CCDC57: variants seen among roughly 807,000 people sequenced by gnomAD.
CCDC57 encodes the protein coiled-coil domain-containing protein 57.
Under a neutral mutation model 118.9 loss-of-function variants are expected in CCDC57, and 118 were observed. That is an observed-to-expected ratio of 0.99 (90% CI 0.86 to 1.16). The LOEUF (loss-of-function observed/expected upper bound fraction) is 1.16, where lower values mean the gene tolerates loss of function less well. CCDC57 is among the 50% of genes most tolerant of loss of function. The pLI, the probability that CCDC57 is intolerant of heterozygous loss-of-function variation, is 0.00. For missense variants in CCDC57, 1,300 were observed against 1,320.7 expected (o/e 0.98, Z 0.24); for synonymous variants, 527 against 532.9 (o/e 0.99, Z 0.15).
At chr17:82,151,565 G>T in exon 16 of CCDC57, 1 of 1,550,198 alleles carries the variant, frequency 6.5e-7, no homozygotes. Context: ...CTCACTTTCG[G>T]GTCGGCCCAG....
At chr17:82,107,578 T>C in intron 19 of CCDC57, 1 of 470,876 alleles carries the variant, frequency 2.1e-6, no homozygotes, top group Non-Finnish European at 4.4e-6. Flanking sequence ...ACTGTGAGGA[T>C]GGGCGGATGG....
intron 9 of CCDC57, among the ~76,000 whole-genome samples, chr17:82,183,529 C>A (rs1041212798): frequency 2.0e-5 from 3 of 152,096 alleles, no homozygotes; most frequent in African/African-American, 7.2e-5. Flanking sequence ...ACCTTTATGG[C>A]TCTTATTACA....
chr17:82,132,125 A>C (rs1444287095), intron 17 of CCDC57, among the ~76,000 whole-genome samples: 59 of 150,916 alleles, frequency 3.9e-4, no homozygotes, highest in African/African-American at 1.4e-3. Flanking sequence ...TCTCAAAAAA[A>C]AAAAAAAAAA....
chr17:82,181,901 T>G (rs1448890367), intron 9 of CCDC57, among the ~76,000 whole-genome samples: 2 of 152,202 alleles, frequency 1.3e-5, no homozygotes, highest in African/African-American at 2.4e-5. Context: ...GTGGATCACC[T>G]GAAGTCAGGA....
At chr17:82,181,560 G>A (rs1230507082) in intron 9 of CCDC57, among the ~76,000 whole-genome samples, 7 of 152,150 alleles carry the variant, frequency 4.6e-5, no homozygotes, top group African/African-American at 1.7e-4. Flanking sequence ...AAACTTACCA[G>A]ATGGGCAAGG....
chr17:82,130,095 G>A (rs551210869), intron 17 of CCDC57, among the ~76,000 whole-genome samples: 5 of 152,126 alleles, frequency 3.3e-5, no homozygotes, highest in Non-Finnish European at 7.4e-5. Context: ...CAGCTACTAC[G>A]GAGGCTGAGG....
At chr17:82,177,179 G>A (rs1456248452) in intron 11 of CCDC57, among the ~76,000 whole-genome samples, 1 of 151,940 alleles carries the variant, frequency 6.6e-6, no homozygotes, top group African/African-American at 2.4e-5. Flanking sequence ...AGGAGTTCGA[G>A]ATCAGCCTAA....
At chr17:82,159,209 G>A (rs1333077831) in intron 14 of CCDC57, among the ~76,000 whole-genome samples, 3 of 152,014 alleles carry the variant, frequency 2.0e-5, no homozygotes, top group Non-Finnish European at 4.4e-5. Flanking sequence ...ATGTTGCCCA[G>A]GCTGGTCTCA....
intron 13 of CCDC57, among the ~76,000 whole-genome samples, chr17:82,165,581 C>T (rs1199522202): frequency 6.6e-6 from 1 of 152,104 alleles, no homozygotes; most frequent in Non-Finnish European, 1.5e-5. Flanking sequence ...CACACCTGCC[C>T]TCCTGCCAGC....
intron 18 of CCDC57, 60 bp from the exon 18 acceptor site, chr17:82,127,968 C>CT: frequency 6.3e-7 from 1 of 1,587,346 alleles, no homozygotes; most frequent in South Asian, 1.1e-5. Flanking sequence ...AGCCACAGGA[C>CT]TCCCCCCAAC....
chr17:82,146,758 T>C (rs1020116692), intron 16 of CCDC57, among the ~76,000 whole-genome samples: 4 of 152,220 alleles, frequency 2.6e-5, no homozygotes, highest in Non-Finnish European at 4.4e-5. Flanking sequence ...CAAATGCATG[T>C]GTGCACACAG....
chr17:82,109,725 C>T (rs999723872), intron 19 of CCDC57, among the ~76,000 whole-genome samples: 38 of 151,430 alleles, frequency 2.5e-4, no homozygotes, highest in South Asian at 6.3e-4. Flanking sequence ...GGCGTGGTGG[C>T]GGGCACCTGT....
Position 82,171,854 on chromosome 17 carries a change from C to A in CCDC57, c.1730-1G>T. 1 of 1,610,684 alleles carries A rather than the reference C, an allele frequency of 6.2e-7. No homozygotes were observed. The highest frequency in any genetic ancestry group is 8.5e-7 in the Non-Finnish European group (1 of 1,177,316). ...TCTGCTTCAAGGGCCAGAACATAAT[C>A]TGCCAAAAAAACCTCCAGTGAATAT... is the stretch of plus-strand genomic sequence containing the variant. On this transcript the variant is annotated splice_acceptor_variant, in intron 12 of 19. Coordinates refer to ENST00000665763, the Ensembl canonical transcript of CCDC57. LOFTEE classifies it high-confidence loss of function.
chr17:82,146,165 A>G (rs1468038217), intron 16 of CCDC57, among the ~76,000 whole-genome samples: 1 of 152,230 alleles, frequency 6.6e-6, no homozygotes, highest in Non-Finnish European at 1.5e-5. Context: ...AAACAGCCAC[A>G]GGCAGAGCAG....
At chr17:82,148,230 GTGGGTAGATGGGTAGATGGATGGA>G (rs2041158068) in intron 16 of CCDC57, among the ~76,000 whole-genome samples, 2 of 148,784 alleles carry the variant, frequency 1.3e-5, no homozygotes, top group Non-Finnish European at 3.0e-5. Flanking sequence ...GGATGGGTGG[GTGGGTAGATGGGTAGATGGATGGA>G]TGGATGGATG....
chr17:82,146,675 C>G (rs2040777250), intron 16 of CCDC57, among the ~76,000 whole-genome samples: 1 of 152,220 alleles, frequency 6.6e-6, no homozygotes, highest in Non-Finnish European at 1.5e-5. Flanking sequence ...TCTAAATTGC[C>G]AATAAATCGA....
chr17:82,104,077 G>A (rs895243983), intron 19 of CCDC57, among the ~76,000 whole-genome samples: 1 of 152,112 alleles, frequency 6.6e-6, no homozygotes, highest in African/African-American at 2.4e-5. Flanking sequence ...TGCCCCAGGC[G>A]TGACTCCCTG....
chr17:82,139,290 T>C (rs1266832441), intron 16 of CCDC57, among the ~76,000 whole-genome samples: 1 of 152,210 alleles, frequency 6.6e-6, no homozygotes, highest in Admixed American at 6.5e-5. Context: ...ACCTTTCACT[T>C]TGAAAAGTGG....
At chr17:82,127,971 C>A in intron 18 of CCDC57, 63 bp from the exon 18 acceptor site, 1 of 1,579,682 alleles carries the variant, frequency 6.3e-7, no homozygotes, top group Non-Finnish European at 8.6e-7. Context: ...CACAGGACTC[C>A]CCCCAACCAC....
Sources: gnomAD v4.1 joint callset for allele counts (sites outside exome capture counted in the v4.1 genomes callset) on GRCh38, gnomAD v4.1.1 for gene constraint, MANE v1.5 for transcripts, NCBI Gene and HGNC (gene_info 2026-07-23, HGNC 2026-07-21) for gene names.